Variants in CLC observed in about 807,000 individuals in gnomAD.
CLC encodes the protein Charcot-Leyden crystal galectin, also known as galectin-10.
CLC carries 15 observed loss-of-function variants against 13.9 expected under a neutral mutation model. That is an observed-to-expected ratio of 1.08 (90% CI 0.72 to 1.66). The LOEUF is 1.66. Ranked by LOEUF, CLC falls within the 40% of genes most tolerant of loss-of-function variation. CLC has a pLI of 0.00. For synonymous variants in CLC, 68 were observed against 59.9 expected, an observed-to-expected ratio of 1.14 and a Z score of -0.63; for missense variants, 161 against 169.1, an observed-to-expected ratio of 0.95 and a Z score of 0.27.
At chr19:39,734,670 C>A (rs909411915) in intron 2 of CLC, among the ~76,000 whole-genome samples, 177 bp from the exon 3 acceptor site, 1 of 152,188 alleles carries the variant, frequency 6.6e-6, no homozygotes, top group East Asian at 1.9e-4. Flanking sequence ...AAGAGATGCT[C>A]CAGCCCTCAT....
chr19:39,734,687 A>G (rs1967281541), intron 2 of CLC, among the ~76,000 whole-genome samples, 194 bp from the exon 3 acceptor site: 1 of 152,168 alleles, frequency 6.6e-6, no homozygotes, highest in Non-Finnish European at 1.5e-5. Flanking sequence ...TCATCCACAG[A>G]TGGAAACTGA....
intron 3 of CLC, among the ~76,000 whole-genome samples, chr19:39,733,316 T>C (rs388648): frequency 0.67 from 101,208 of 151,832 alleles, 34,464 homozygotes; most frequent in African/African-American, 0.76. Flanking sequence ...CCATTTGAAA[T>C]GTCAGAAACT....
At position 39,735,148 on chromosome 19, in the gene CLC, T is replaced by C. The variant is rs1012537731; in HGVS notation, c.16-75A>G. The stretch of plus-strand genomic sequence containing the variant: ...CCCCTCCTGTAACAGATTCCCATGG[T>C]GCAGCCAGTTAGAGATCAAGCAGTA... On this transcript the variant is annotated intron_variant, in intron 1 of 3. Coordinates refer to ENST00000221804, the MANE Select transcript of CLC (RefSeq NM_001828.6). 26 of 1,032,192 alleles carry C rather than the reference T, an allele frequency of 2.5e-5. No homozygotes were observed. The African/African-American group carries it at 3.8e-4, about 15-fold the overall frequency. The allele number at this position is 1,032,192 out of a possible 1,614,324, so 63.9% of individuals were successfully genotyped here. A position where few individuals can be genotyped will look rare whatever the true frequency, so the allele number is the denominator to read the frequency against.
intron 3 of CLC, among the ~76,000 whole-genome samples, chr19:39,732,753 T>C (rs1220587771): frequency 6.6e-6 from 1 of 151,574 alleles, no homozygotes; most frequent in Non-Finnish European, 1.5e-5. Context: ...TGTTGTTTCC[T>C]GACTTTTTAA....
At chr19:39,733,598 G>A (rs1967260425) in intron 3 of CLC, among the ~76,000 whole-genome samples, 1 of 152,078 alleles carries the variant, frequency 6.6e-6, no homozygotes, top group South Asian at 2.1e-4. Context: ...GGAATATTAT[G>A]TAATCCTTAA....
chr19:39,734,729 C>G (rs1430704030), intron 2 of CLC, among the ~76,000 whole-genome samples: 4 of 152,150 alleles, frequency 2.6e-5, no homozygotes, highest in Non-Finnish European at 5.9e-5. Context: ...ATATGAATTG[C>G]CCATTTTCTG....
At chr19:39,734,250 A>G in intron 3 of CLC, 33 bp downstream of exon 3, 1 of 1,601,848 alleles carries the variant, frequency 6.2e-7, no homozygotes, top group Non-Finnish European at 8.5e-7. Context: ...GATCCCATGG[A>G]AGCCGGGTGC....
In CLC at chr19:39,731,363, G is replaced by T. The variant is rs1437920188; in HGVS notation, c.*17C>A. On this transcript the variant is annotated 3_prime_UTR_variant, in exon 4 of 4. Coordinates refer to ENST00000221804, the MANE Select transcript of CLC (RefSeq NM_001828.6). ...GTTCACGTAGAGACAGGGATTCCTTGGCAACATGAAGTCTGGTTATCTCTT... is the reference window on the plus strand; with the variant it reads ...GTTCACGTAGAGACAGGGATTCCTTTGCAACATGAAGTCTGGTTATCTCTT... 2 of 1,611,986 alleles carry T rather than the reference G, an allele frequency of 1.2e-6. No individual in the cohort carries two copies. The highest frequency in any genetic ancestry group is 1.7e-6 in the Non-Finnish European group (2 of 1,179,142).
chr19:39,734,865 C>G, intron 2 of CLC, 132 bp downstream of exon 2: 2 of 714,708 alleles, frequency 2.8e-6, no homozygotes, highest in South Asian at 3.4e-5. Flanking sequence ...TGGAGGGTCT[C>G]CAGGACCTGC....
Position 39,734,409 on chromosome 19 carries a change from A to G in CLC, c.177T>C (p.Gly59=), listed in dbSNP as rs746972656. The G allele has an allele frequency of 2.2e-5, 36 of 1,614,010 alleles. No homozygotes were observed. The highest frequency in any genetic ancestry group is 3.1e-5 in the Non-Finnish European group (36 of 1,179,988). The part of the protein sequence containing the change: ...DIVFHFQVCF[G]RRVVMNSREY... ...CACGGCTGTTCATGACCACACGACG[A>G]CCAAAGCACACTTGGAAATGGAAGA... The change falls in exon 3 of 4, where the codon GGT becomes GGC. Residue 59 remains glycine, a synonymous_variant. Transcript: ENST00000221804.
At chr19:39,732,781 G>A (rs1967245030) in intron 3 of CLC, among the ~76,000 whole-genome samples, 1 of 151,760 alleles carries the variant, frequency 6.6e-6, no homozygotes, top group South Asian at 2.1e-4. Context: ...CATTCTAACT[G>A]GTGTGAGACG....
rs183182434 is a variant in CLC at position 39,736,010 on chromosome 19, G to T, written c.16-937C>A. The stretch of plus-strand genomic sequence containing the variant: ...AAAGTGTTTACTTGGCTAAAATCTG[G>T]TGAGTAAAGTGTTTCTGTTTGTTTG... On this transcript the variant is annotated intron_variant, in intron 1 of 3. Transcript: ENST00000221804. 2.7e-4 allele frequency among the ~76,000 whole-genome samples: 41 copies of T among 152,304 alleles called. No individual in the cohort carries two copies. The South Asian group carries it at 3.7e-3, about 14-fold the overall frequency.
At chr19:39,736,731 C>A (rs1014268231) in intron 1 of CLC, among the ~76,000 whole-genome samples, 9 of 149,414 alleles carry the variant, frequency 6.0e-5, no homozygotes, top group Middle Eastern at 3.4e-3. Flanking sequence ...GCCGAGATTG[C>A]ACCACTGCAC....
intron 2 of CLC, among the ~76,000 whole-genome samples, 193 bp from the exon 3 acceptor site, chr19:39,734,686 G>A (rs189516033): frequency 1.3e-5 from 2 of 152,292 alleles, no homozygotes; most frequent in East Asian, 3.9e-4. Flanking sequence ...CTCATCCACA[G>A]ATGGAAACTG....
In CLC at chr19:39,734,469, A is replaced by G; in HGVS notation, c.117T>C (p.Asp39=). The change falls in exon 3 of 4, where the codon GAT becomes GAC. Residue 39 remains aspartate, a synonymous_variant. Coordinates refer to ENST00000221804, the MANE Select transcript of CLC (RefSeq NM_001828.6). ...CFLNEPYLQV[D]FHTEMKEESD... is the part of the protein sequence containing the mutation. ...ATTCCTCCTTCATCTCAGTGTGGAA[A>G]TCCACCTGCAGATATGGTTCATTCC... is the stretch of plus-strand genomic sequence containing the variant. The G allele has an allele frequency of 6.2e-7, 1 of 1,614,112 alleles. No homozygotes were observed. The highest frequency in any genetic ancestry group is 8.5e-7 in the Non-Finnish European group (1 of 1,179,962).
intron 3 of CLC, among the ~76,000 whole-genome samples, chr19:39,732,916 T>C (rs1967247998): frequency 7.4e-6 from 1 of 135,626 alleles, no homozygotes; most frequent in Non-Finnish European, 1.6e-5. Flanking sequence ...AAAGACAAAA[T>C]TGACAAATGG....
chr19:39,731,344 G>A lies in CLC; in HGVS notation c.*36C>T, dbSNP rs756436858. 2.2e-5 allele frequency: 35 copies of A among 1,607,014 alleles called. No homozygotes were observed. The highest frequency in any genetic ancestry group is 5.4e-5 in the African/African-American group (4 of 74,766). ...GCTGGCTTTGGAATCCCAAGTTCAC[G>A]TAGAGACAGGGATTCCTTGGCAACA... is the stretch of plus-strand genomic sequence containing the variant. On this transcript the variant is annotated 3_prime_UTR_variant, in exon 4 of 4. Coordinates refer to ENST00000221804, the MANE Select transcript of CLC (RefSeq NM_001828.6).
At chr19:39,737,395 A>G (rs745719211) in intron 1 of CLC, among the ~76,000 whole-genome samples, 39 of 151,994 alleles carry the variant, frequency 2.6e-4, no homozygotes, top group Non-Finnish European at 1.0e-4. Context: ...GAGTACTGCT[A>G]TGTGGGGAGG....
chr19:39,734,251 A>G, intron 3 of CLC, 32 bp downstream of exon 3: 2 of 1,602,154 alleles, frequency 1.2e-6, no homozygotes, highest in African/African-American at 2.7e-5. Context: ...ATCCCATGGA[A>G]GCCGGGTGCG....
Sources: gnomAD v4.1 joint callset for allele counts (sites outside exome capture counted in the v4.1 genomes callset) on GRCh38, gnomAD v4.1.1 for gene constraint, MANE v1.5 for transcripts, NCBI Gene and HGNC (gene_info 2026-07-23, HGNC 2026-07-21) for gene names.